Variants in INTS2 observed in about 807,000 individuals in gnomAD.
The protein encoded by INTS2 is integrator complex subunit 2.
A neutral mutation model predicts 139.6 loss-of-function variants in INTS2; 57 were observed. The observed-to-expected ratio is 0.41, with a 90% confidence interval of 0.33 to 0.51. The LOEUF (loss-of-function observed/expected upper bound fraction) is 0.51, where lower values mean the gene tolerates loss of function less well. Among genes scored for constraint, INTS2 ranks in the 20% least tolerant of loss-of-function variants. INTS2 has a pLI of 0.28. For missense variants in INTS2, 1,196 were observed against 1,436.7 expected (o/e 0.83, Z 2.71); for synonymous variants, 473 against 493.4 (o/e 0.96, Z 0.55).
At chr17:61,889,938 C>A in intron 14 of INTS2, 44 bp from the exon 15 acceptor site, 4 of 1,201,068 alleles carry the variant, frequency 3.3e-6, no homozygotes, top group African/African-American at 1.5e-5. Context: ...CTGAATTTCA[C>A]GAGTGCTTTT....
At chr17:61,883,605 A>G (rs907981994) in intron 16 of INTS2, among the ~76,000 whole-genome samples, 2 of 152,048 alleles carry the variant, frequency 1.3e-5, no homozygotes, top group African/African-American at 4.8e-5. Flanking sequence ...ACAAAAATTT[A>G]GCTGGGCATG....
chr17:61,926,978 G>A (rs1603385624), intron 1 of INTS2: 1 of 366,338 alleles, frequency 2.7e-6, no homozygotes, highest in Non-Finnish European at 5.1e-6. Flanking sequence ...ACTAGTTAGA[G>A]GCACAATCCA....
At chr17:61,905,767 A>C (rs761963760) in intron 8 of INTS2, among the ~76,000 whole-genome samples, 32 of 151,926 alleles carry the variant, frequency 2.1e-4, no homozygotes, top group Non-Finnish European at 3.8e-4. Context: ...GTGCAATCTT[A>C]GCTCACCGCA....
At chr17:61,908,156 T>G (rs2079485267) in intron 7 of INTS2, among the ~76,000 whole-genome samples, 1 of 152,238 alleles carries the variant, frequency 6.6e-6, no homozygotes, top group South Asian at 2.1e-4. Flanking sequence ...GGTTCACGCC[T>G]GTAATCCCAG....
chr17:61,879,116 C>T (rs1215239653), intron 17 of INTS2, among the ~76,000 whole-genome samples: 1 of 112,170 alleles, frequency 8.9e-6, no homozygotes. Flanking sequence ...TTGCCTTTAC[C>T]AATCAAGAGC....
intron 15 of INTS2, among the ~76,000 whole-genome samples, chr17:61,888,378 T>C (rs77522758): frequency 9.8e-4 from 149 of 151,824 alleles, no homozygotes; most frequent in African/African-American, 3.2e-3. Context: ...AAAAAATAAA[T>C]AGATGAAATG....
chr17:61,889,058 C>T (rs978163595), intron 15 of INTS2, among the ~76,000 whole-genome samples: 1 of 133,978 alleles, frequency 7.5e-6, no homozygotes, highest in Non-Finnish European at 1.5e-5. Flanking sequence ...AAAAAACAAA[C>T]CAAAACAAAA....
chr17:61,919,044 C>T (rs1296968393), intron 5 of INTS2, among the ~76,000 whole-genome samples: 1 of 151,940 alleles, frequency 6.6e-6, no homozygotes, highest in African/African-American at 2.4e-5. Context: ...TCTGCCTCAG[C>T]CTCCCCAGTA....
intron 17 of INTS2, among the ~76,000 whole-genome samples, chr17:61,878,931 CAAAA>C (rs35652350): frequency 5.6e-4 from 26 of 46,654 alleles, no homozygotes; most frequent in Non-Finnish European, 7.3e-4. Context: ...ACCCTGTCTC[CAAAA>C]AAAAAAAAAA....
intron 7 of INTS2, chr17:61,910,657 T>C (rs1039708761): frequency 2.6e-5 from 4 of 151,940 alleles, no homozygotes; most frequent in African/African-American, 9.7e-5. Flanking sequence ...GTAAATATAC[T>C]TAATGCCACT....
In INTS2 at chr17:61,872,693, T is replaced by C. The variant is rs893276366; in HGVS notation, c.2583-233A>G. Among the ~76,000 whole-genome samples, 5 of 152,148 alleles carry C rather than the reference T, an allele frequency of 3.3e-5. No homozygotes were observed. The highest frequency in any genetic ancestry group is 1.2e-4 in the African/African-American group (5 of 41,430). ...TCATCTTATCAGCTAAAGTCAAATA[T>C]GTATAATGTAAATTCTAAAGAAAAG... On this transcript the variant is annotated intron_variant, in intron 19 of 24. Transcript: ENST00000251334. This position sits in a 1 kb window ranked among gnomAD's most constrained non-coding sequence, Gnocchi z 4.8.
At position 61,889,886 on chromosome 17, in the gene INTS2, G is replaced by A; in HGVS notation, c.1884C>T (p.Asn628=). 6.2e-7 allele frequency: 1 copy of A among 1,602,204 alleles called. No homozygotes were observed. The highest frequency in any genetic ancestry group is 8.5e-7 in the Non-Finnish European group (1 of 1,170,520). ...NIFQGVIGGD[N]IRLNQRFSIT... ...TACTGAAACGCTGATTAAGGCGGATGTTGTCACCCTGGAGGTAATATTACA... is the reference window on the plus strand; with the variant it reads ...TACTGAAACGCTGATTAAGGCGGATATTGTCACCCTGGAGGTAATATTACA... Residue 628 remains asparagine, a synonymous_variant, in exon 15 of 25, where the codon AAC becomes AAT. Coordinates refer to ENST00000251334, the MANE Select transcript of INTS2 (RefSeq NM_001351695.2).
At chr17:61,919,369 T>C (rs921305899) in intron 5 of INTS2, 31 bp downstream of exon 5, 30 of 1,133,500 alleles carry the variant, frequency 2.6e-5, no homozygotes, top group Non-Finnish European at 3.5e-5. Context: ...AAGCAAGTCT[T>C]TTCAATATAC....
chr17:61,887,447 C>T (rs1279615854), intron 15 of INTS2, among the ~76,000 whole-genome samples: 2 of 146,616 alleles, frequency 1.4e-5, no homozygotes, highest in African/African-American at 2.6e-5. Context: ...CGTGCCACTG[C>T]ACTCTAGCCT....
chr17:61,901,573 ATTTCT>A (rs2079405305), intron 9 of INTS2, among the ~76,000 whole-genome samples: 1 of 80,166 alleles, frequency 1.2e-5, no homozygotes, highest in African/African-American at 4.9e-5. Context: ...AGGCAGAATG[ATTTCT>A]TTTTTTTTTT....
In INTS2 at chr17:61,872,448, C is replaced by T. The variant is rs1603371919; in HGVS notation, c.2595G>A (p.Leu865=). ...TCAACATGTGTAGGGTAATATCCAT[C>T]AGTGGGGGGCATCTAAACAAGGAAA... ...CDQRVHRCPP[L]MDITLHMLNG... is the part of the protein sequence containing the mutation. The change falls in exon 20 of 25, where the codon CTG becomes CTA. Residue 865 remains leucine, a synonymous_variant. Coordinates refer to ENST00000251334, the MANE Select transcript of INTS2 (RefSeq NM_001351695.2). The surrounding 1 kb of genome is among the most constrained non-coding windows in gnomAD (Gnocchi z 4.8). 1 of 1,568,048 alleles carries T rather than the reference C, an allele frequency of 6.4e-7. No individual in the cohort carries two copies. The highest frequency in any genetic ancestry group is 2.2e-5 in the East Asian group (1 of 44,512).
chr17:61,867,613 G>A lies in INTS2; in HGVS notation c.3535C>T (p.His1179Tyr), dbSNP rs755182912. The A allele has an allele frequency of 1.2e-6, 2 of 1,611,060 alleles. No homozygotes were observed. The highest frequency in any genetic ancestry group is 1.7e-6 in the Non-Finnish European group (2 of 1,177,590). ...TCAATTACTGTTCTTTCAATACAGT[G>A]ACAGAGCTGTACATCAGGATCCATG... ...GSMDPDVQLC[H>Y]CIERTVIEII... The change falls in exon 25 of 25, where the codon CAC (histidine) becomes TAC (tyrosine). Residue 1179 changes from histidine to tyrosine, a missense_variant. Physicochemically the swap from His to Tyr is moderately conservative, Grantham distance 83. This residue lies in a region of INTS2 where 1,129 missense variants were observed against 1,341.9 expected (regional missense o/e 0.84). Coordinates refer to ENST00000251334, the MANE Select transcript of INTS2 (RefSeq NM_001351695.2). This position sits in a 1 kb window ranked among gnomAD's most constrained non-coding sequence, Gnocchi z 5.6.
intron 15 of INTS2, among the ~76,000 whole-genome samples, 194 bp downstream of exon 15, chr17:61,889,592 C>T (rs2079268788): frequency 6.6e-6 from 1 of 152,066 alleles, no homozygotes; most frequent in Non-Finnish European, 1.5e-5. Flanking sequence ...GAGGACTGGG[C>T]CATAAATCGT....
chr17:61,905,631 G>GT (rs1410517355), intron 8 of INTS2, among the ~76,000 whole-genome samples: 1 of 152,050 alleles, frequency 6.6e-6, no homozygotes, highest in Non-Finnish European at 1.5e-5. Context: ...CGGTCTTAAA[G>GT]TTTTTTTATT....
Sources: allele counts gnomAD v4.1 joint callset (sites outside exome capture counted in the v4.1 genomes callset), GRCh38; gene constraint gnomAD v4.1.1; regional missense constraint gnomAD v4.1.1; non-coding constraint Gnocchi (gnomAD v3.1); transcripts MANE v1.5; gene names NCBI Gene and HGNC (gene_info 2026-07-23, HGNC 2026-07-21).